Variants in PDSS2 observed in about 807,000 individuals in gnomAD.
PDSS2 encodes the protein all trans-polyprenyl-diphosphate synthase PDSS2.
Under a neutral mutation model 44.5 loss-of-function variants are expected in PDSS2, and 31 were observed. The observed-to-expected ratio is 0.70, with a 90% CI of 0.52 to 0.94. The LOEUF is 0.94. Ranked by LOEUF, PDSS2 falls within the 40% of genes least tolerant of loss-of-function variation. The pLI, the probability that PDSS2 is intolerant of heterozygous loss-of-function variation, is 0.00. For missense variants in PDSS2, 452 were observed against 482.2 expected (o/e 0.94, Z 0.59); for synonymous variants, 157 against 180.3 (o/e 0.87, Z 1.03).
chr6:107,293,282 C>G (rs1295721510), intron 2 of PDSS2, among the ~76,000 whole-genome samples: 4 of 152,150 alleles, frequency 2.6e-5, no homozygotes, highest in African/African-American at 9.7e-5. Flanking sequence ...GCCTCTCTGA[C>G]CCCCATCTAC....
intron 2 of PDSS2, among the ~76,000 whole-genome samples, chr6:107,326,895 C>T (rs1777565847): frequency 6.6e-6 from 1 of 151,896 alleles, no homozygotes; most frequent in Non-Finnish European, 1.5e-5. Flanking sequence ...AATTGGTATG[C>T]TTTAAAATTG....
At chr6:107,386,671 ATC>A (rs931608941) in intron 1 of PDSS2, among the ~76,000 whole-genome samples, 4 of 152,184 alleles carry the variant, frequency 2.6e-5, no homozygotes, top group Non-Finnish European at 5.9e-5. Flanking sequence ...ATGCCCAAAG[ATC>A]TCAGGATTAG....
chr6:107,266,386 A>ATT lies in PDSS2; in HGVS notation c.630+7641_630+7642dup, dbSNP rs61087986. Among the ~76,000 whole-genome samples, 685 of 143,252 alleles carry ATT rather than the reference A, an allele frequency of 4.8e-3. 6 individuals carry two copies. Among genetic ancestry groups the ATT allele is most frequent in the African/African-American group, 0.016 (610 of 39,306 alleles). 94.0% of individuals were successfully genotyped at this position (143,252 alleles called of 152,430 possible). A position where few individuals can be genotyped will look rare whatever the true frequency, so the allele number is the denominator to read the frequency against. On this transcript the variant is annotated intron_variant, in intron 3 of 7. Coordinates refer to ENST00000369037, the MANE Select transcript of PDSS2 (RefSeq NM_020381.4). ...TTCACAAAAAGTGAACCCCTGAGGCATTTTTTTTTTTTTTTCTGAAATTGA... is the reference window on the plus strand; with the variant it reads ...TTCACAAAAAGTGAACCCCTGAGGCATTTTTTTTTTTTTTTTTCTGAAATTGA...
At chr6:107,330,567 AATCAT>A (rs1420266758) in intron 2 of PDSS2, among the ~76,000 whole-genome samples, 1 of 152,202 alleles carries the variant, frequency 6.6e-6, no homozygotes, top group Non-Finnish European at 1.5e-5. Flanking sequence ...TAAACTTAAT[AATCAT>A]ATCATGAGAA....
chr6:107,380,946 C>T (rs1174114058), intron 1 of PDSS2, among the ~76,000 whole-genome samples: 4 of 151,872 alleles, frequency 2.6e-5, no homozygotes, highest in Admixed American at 1.3e-4. Context: ...GTTAATAATC[C>T]GAATTGAAGA....
At chr6:107,346,957 A>G (rs531470265) in intron 1 of PDSS2, among the ~76,000 whole-genome samples, 80 of 152,356 alleles carry the variant, frequency 5.3e-4, no homozygotes, top group Admixed American at 3.7e-3. Context: ...GCAGCACACA[A>G]CAGAGGGTTG....
chr6:107,155,366 C>T (rs1017712410), intron 7 of PDSS2, among the ~76,000 whole-genome samples: 3 of 150,682 alleles, frequency 2.0e-5, no homozygotes, highest in South Asian at 2.1e-4. Flanking sequence ...AGGCTGGTCT[C>T]GAACTCCTGA....
intron 4 of PDSS2, among the ~76,000 whole-genome samples, chr6:107,223,934 G>A (rs1378124885): frequency 6.6e-6 from 1 of 151,322 alleles, no homozygotes; most frequent in Non-Finnish European, 1.5e-5. Context: ...AGCGGTGGGT[G>A]AGCGAGCATT....
chr6:107,450,560 G>A (rs1337232390), intron 1 of PDSS2, among the ~76,000 whole-genome samples: 1 of 152,116 alleles, frequency 6.6e-6, no homozygotes, highest in Non-Finnish European at 1.5e-5. Flanking sequence ...TCTAAAGAAA[G>A]GATCTTTCCT....
At chr6:107,236,899 G>A (rs1402040090) in intron 4 of PDSS2, among the ~76,000 whole-genome samples, 1 of 151,648 alleles carries the variant, frequency 6.6e-6, no homozygotes, top group Non-Finnish European at 1.5e-5. Flanking sequence ...ACAGGGCTTT[G>A]CAGGTAGAAG....
intron 7 of PDSS2, among the ~76,000 whole-genome samples, chr6:107,168,306 C>T (rs1771429708): frequency 6.6e-6 from 1 of 151,946 alleles, no homozygotes; most frequent in Non-Finnish European, 1.5e-5. Context: ...CAACCCCTGC[C>T]TTTTTTGTTT....
At chr6:107,262,771 CA>C (rs1446805737) in intron 3 of PDSS2, among the ~76,000 whole-genome samples, 20 of 137,876 alleles carry the variant, frequency 1.5e-4, no homozygotes, top group South Asian at 2.3e-4. Flanking sequence ...GACTCTGTCT[CA>C]AAAAAAAAAG....
intron 1 of PDSS2, among the ~76,000 whole-genome samples, chr6:107,354,157 T>A (rs908326579): frequency 1.3e-5 from 2 of 152,210 alleles, no homozygotes; most frequent in Non-Finnish European, 2.9e-5. Flanking sequence ...AACAGTGAAG[T>A]CACTATACTC....
chr6:107,170,606 ACCCCCCC>A (rs201361243), intron 7 of PDSS2, among the ~76,000 whole-genome samples: 2 of 96,560 alleles, frequency 2.1e-5, no homozygotes, highest in Non-Finnish European at 4.2e-5. Context: ...TCTTGGAACC[ACCCCCCC>A]CCCCCCACTT....
intron 3 of PDSS2, among the ~76,000 whole-genome samples, chr6:107,252,366 C>T (rs2110902): frequency 6.6e-6 from 1 of 151,824 alleles, no homozygotes; most frequent in African/African-American, 2.4e-5. Context: ...TTGAAGGGAG[C>T]CTTTTCAGTA....
intron 6 of PDSS2, among the ~76,000 whole-genome samples, chr6:107,207,381 T>C (rs1464785753): frequency 6.6e-6 from 1 of 152,076 alleles, no homozygotes; most frequent in Admixed American, 6.5e-5. Flanking sequence ...ATCTCAAAGA[T>C]ATCCAGGAGG....
chr6:107,403,772 T>C (rs1016660225), intron 1 of PDSS2, among the ~76,000 whole-genome samples: 4 of 152,144 alleles, frequency 2.6e-5, no homozygotes, highest in Non-Finnish European at 4.4e-5. Context: ...TTCCACCAAG[T>C]CCAGCAGCTG....
intron 2 of PDSS2, among the ~76,000 whole-genome samples, chr6:107,282,195 T>G (rs1274463167): frequency 6.6e-6 from 1 of 152,144 alleles, no homozygotes; most frequent in Non-Finnish European, 1.5e-5. Context: ...TGTGAGCCAC[T>G]GCACCCAGCC....
intron 2 of PDSS2, among the ~76,000 whole-genome samples, chr6:107,320,546 C>T (rs1777348930): frequency 6.6e-6 from 1 of 151,948 alleles, no homozygotes; most frequent in Non-Finnish European, 1.5e-5. Context: ...CTGCTTAGGG[C>T]ACAAGTCTAT....
Sources: allele counts gnomAD v4.1 joint callset (sites outside exome capture counted in the v4.1 genomes callset), GRCh38; gene constraint gnomAD v4.1.1; transcripts MANE v1.5; gene names NCBI Gene and HGNC (gene_info 2026-07-23, HGNC 2026-07-21).